EPB41L4B: variants seen among roughly 807,000 people sequenced by gnomAD.
EPB41L4B encodes erythrocyte membrane protein band 4.1 like 4B.
A neutral mutation model predicts 112.5 loss-of-function variants in EPB41L4B; 30 were observed. That is an observed-to-expected ratio of 0.27 (90% CI 0.20 to 0.36). The LOEUF (loss-of-function observed/expected upper bound fraction) is 0.36, where lower values mean the gene tolerates loss of function less well. Among genes scored for constraint, EPB41L4B ranks in the 10% least tolerant of loss-of-function variants. The probability of loss-of-function intolerance (pLI) is 1.00; values close to 1 mark genes in which losing one functional copy is unlikely to be tolerated. For missense variants in EPB41L4B, 1,024 were observed against 1,133.3 expected (o/e 0.90, Z 1.38); for synonymous variants, 408 against 439.7 (o/e 0.93, Z 0.90).
chr9:109,207,014 C>T (rs1302383429), intron 18 of EPB41L4B, among the ~76,000 whole-genome samples: 1 of 152,248 alleles, frequency 6.6e-6, no homozygotes, highest in Non-Finnish European at 1.5e-5. Flanking sequence ...TCAGCACCAG[C>T]CAGCTGATGT....
chr9:109,277,718 C>A (rs982167863), intron 2 of EPB41L4B, among the ~76,000 whole-genome samples: 1 of 152,244 alleles, frequency 6.6e-6, no homozygotes, highest in Non-Finnish European at 1.5e-5. Context: ...AGTGAGGACA[C>A]AGGTGAGGTG....
rs577754879 is a variant in EPB41L4B, at chr9:109,216,602, C to T, written c.1633+320G>A. On this transcript the variant is annotated intron_variant, in intron 16 of 25. Coordinates refer to ENST00000374566, the MANE Select transcript of EPB41L4B (RefSeq NM_019114.5). ...GGTGCAATGAGCCGAGATCATGCCA[C>T]TGCACTCCAGCCTGGGTGACAGAGC... is the stretch of plus-strand genomic sequence containing the variant. Among the ~76,000 whole-genome samples the T allele has an allele frequency of 1.3e-4, 20 of 149,954 alleles. 1 individual carries two copies. In the East Asian group the frequency reaches 3.8e-3, roughly 28 times the overall value.
intron 15 of EPB41L4B, among the ~76,000 whole-genome samples, chr9:109,233,961 T>C (rs541180471): frequency 2.6e-5 from 4 of 152,330 alleles, no homozygotes; most frequent in African/African-American, 9.6e-5. Flanking sequence ...TTAAGGAGCA[T>C]GACTCAAGAA....
rs748698746 is a variant in EPB41L4B at position 109,182,657 on chromosome 9, G to A, written c.2487+72C>T. On this transcript the variant is annotated intron_variant, in intron 24 of 25. Transcript: ENST00000374566. ...AAGAAGCGGTTGACCTTGCTGTCTGGCATCCCGCAGAAAAGCACACCGCAT... is the reference window on the plus strand; with the variant it reads ...AAGAAGCGGTTGACCTTGCTGTCTGACATCCCGCAGAAAAGCACACCGCAT... 6.2e-6 allele frequency: 7 copies of A among 1,126,992 alleles called. No individual in the cohort carries two copies. In the African/African-American group the frequency reaches 9.3e-5, roughly 15 times the overall value. The allele number at this position is 1,126,992 out of a possible 1,614,324, so 69.8% of individuals were successfully genotyped here. A position where few individuals can be genotyped will look rare whatever the true frequency, so the allele number is the denominator to read the frequency against.
chr9:109,287,869 T>C (rs562567572), intron 1 of EPB41L4B, among the ~76,000 whole-genome samples: 2 of 152,180 alleles, frequency 1.3e-5, no homozygotes, highest in Non-Finnish European at 1.5e-5. Flanking sequence ...CCCAAAGTGC[T>C]GGGATTACAG....
chr9:109,302,777 G>T (rs1407643858), intron 1 of EPB41L4B, among the ~76,000 whole-genome samples: 2 of 152,158 alleles, frequency 1.3e-5, no homozygotes, highest in Non-Finnish European at 2.9e-5. Flanking sequence ...GGCCTTTCTG[G>T]ATCCTTCTGT....
intron 20 of EPB41L4B, among the ~76,000 whole-genome samples, chr9:109,199,798 G>A (rs1832761252): frequency 6.6e-6 from 1 of 152,150 alleles, no homozygotes; most frequent in South Asian, 2.1e-4. Flanking sequence ...AGACCTATGT[G>A]ACTACAGGCT....
chr9:109,298,754 C>G (rs924493317), intron 1 of EPB41L4B, among the ~76,000 whole-genome samples: 2 of 152,188 alleles, frequency 1.3e-5, no homozygotes, highest in Non-Finnish European at 2.9e-5. Flanking sequence ...CATCTTTTAA[C>G]TGCTAAGAGT....
At chr9:109,314,902 C>T (rs1313518939) in intron 1 of EPB41L4B, among the ~76,000 whole-genome samples, 5 of 152,244 alleles carry the variant, frequency 3.3e-5, no homozygotes, top group East Asian at 1.9e-4. Flanking sequence ...CAACCTCCTG[C>T]GGGTCCCTTA....
intron 1 of EPB41L4B, among the ~76,000 whole-genome samples, chr9:109,305,463 A>G (rs1300966077): frequency 6.6e-6 from 1 of 151,994 alleles, no homozygotes; most frequent in Non-Finnish European, 1.5e-5. Flanking sequence ...TACTAAAAAT[A>G]CAAAATTAGC....
chr9:109,286,165 GTGGA>G (rs1220345971), intron 1 of EPB41L4B, among the ~76,000 whole-genome samples: 179 of 112,010 alleles, frequency 1.6e-3, no homozygotes, highest in Non-Finnish European at 2.6e-3. Flanking sequence ...GGGTGGGTGG[GTGGA>G]TGGATGGATG....
intron 15 of EPB41L4B, among the ~76,000 whole-genome samples, chr9:109,219,885 G>T (rs1833515179): frequency 6.6e-6 from 1 of 152,190 alleles, no homozygotes; most frequent in South Asian, 2.1e-4. Context: ...AAGGATGATG[G>T]AAGTTAGGGC....
Position 109,264,908 on chromosome 9 carries a change from T to TA in EPB41L4B, c.578+71dup, listed in dbSNP as rs932291167. On this transcript the variant is annotated intron_variant, in intron 5 of 25. Coordinates refer to ENST00000374566, the MANE Select transcript of EPB41L4B (RefSeq NM_019114.5). ...GAAAAGGGAACAAGGGTAAAAGAGT[T>TA]AAAACAGTGAATTATTTTGAAATAC... The TA allele has an allele frequency of 2.4e-5, 34 of 1,398,000 alleles. No individual in the cohort carries two copies. The African/African-American group carries it at 5.0e-4, about 20-fold the overall frequency. The allele number at this position is 1,398,000 out of a possible 1,614,324, so 86.6% of individuals were successfully genotyped here.
chr9:109,255,195 G>A (rs778803293), intron 11 of EPB41L4B, among the ~76,000 whole-genome samples: 19 of 152,166 alleles, frequency 1.2e-4, no homozygotes, highest in Admixed American at 7.2e-4. Flanking sequence ...TATGACTAGC[G>A]ATACTGAAGA....
chr9:109,182,829 T>C (rs755187917), intron 23 of EPB41L4B, 32 bp from the exon 24 acceptor site: 2 of 1,501,048 alleles, frequency 1.3e-6, no homozygotes, highest in South Asian at 1.1e-5. Flanking sequence ...GGGGGTTACC[T>C]TCAGATTAGA....
chr9:109,197,828 A>AAAC (rs1554743695), intron 20 of EPB41L4B, among the ~76,000 whole-genome samples: 3 of 151,632 alleles, frequency 2.0e-5, no homozygotes, highest in Non-Finnish European at 2.9e-5. Context: ...TCAAAAAAAA[A>AAAC]AAAAAACAAA....
Position 109,243,618 on chromosome 9 carries a change from C to T in EPB41L4B, c.1409G>A (p.Ser470Asn). 2 of 1,614,118 alleles carry T rather than the reference C, an allele frequency of 1.2e-6. No homozygotes were observed. Among genetic ancestry groups the T allele is most frequent in the Non-Finnish European group, 1.7e-6 (2 of 1,179,972 alleles). ...CAGCTCTGGAAGCACCAGCACTTAC[C>T]TGACATTTGGAGAGTGAGGATGCCA... ...PRWHPHSPNVSYPLPSPVLSS... is the reference protein window; with the variant it reads ...PRWHPHSPNVNYPLPSPVLSS... Residue 470 changes from serine to asparagine, a missense_variant and splice_region_variant, in exon 15 of 26, where the codon AGC becomes AAC. Physicochemically the swap from Ser to Asn is conservative, Grantham distance 46. Coordinates refer to ENST00000374566, the MANE Select transcript of EPB41L4B (RefSeq NM_019114.5).
chr9:109,199,331 G>A (rs1419343471), intron 20 of EPB41L4B, among the ~76,000 whole-genome samples: 1 of 152,140 alleles, frequency 6.6e-6, no homozygotes, highest in Non-Finnish European at 1.5e-5. Flanking sequence ...CCCCTTGAGT[G>A]TGGGCTGGAC....
At chr9:109,228,104 A>T (rs1833844948) in intron 15 of EPB41L4B, among the ~76,000 whole-genome samples, 1 of 152,214 alleles carries the variant, frequency 6.6e-6, no homozygotes, top group African/African-American at 2.4e-5. Flanking sequence ...GAATATCAGC[A>T]GTTATCCTTG....
Sources: allele counts gnomAD v4.1 joint callset (sites outside exome capture counted in the v4.1 genomes callset), GRCh38; gene constraint gnomAD v4.1.1; transcripts MANE v1.5; gene names NCBI Gene and HGNC (gene_info 2026-07-23, HGNC 2026-07-21).